Variants in SLC2A9 observed in about 807,000 individuals in gnomAD.
SLC2A9 encodes the protein solute carrier family 2, facilitated glucose transporter member 9.
SLC2A9 carries 39 observed loss-of-function variants against 50.6 expected under a neutral mutation model. That is an observed-to-expected ratio of 0.77 (90% CI 0.60 to 1.01). The LOEUF (loss-of-function observed/expected upper bound fraction) is 1.01. Ranked by LOEUF, SLC2A9 falls within the 50% of genes least tolerant of loss-of-function variation. SLC2A9 has a pLI of 0.00. For missense variants in SLC2A9, 686 were observed against 677.6 expected, an observed-to-expected ratio of 1.01 and a Z score of -0.14; for synonymous variants, 324 against 276.9, an observed-to-expected ratio of 1.17 and a Z score of -1.69.
chr4:9,909,907 T>G (rs920693428), intron 7 of SLC2A9, among the ~76,000 whole-genome samples: 17 of 152,252 alleles, frequency 1.1e-4, no homozygotes, highest in African/African-American at 4.1e-4. Context: ...CAACGTTAGC[T>G]GGCCACACTC....
intron 3 of SLC2A9, among the ~76,000 whole-genome samples, chr4:9,813,761 G>C (rs1723181758): frequency 1.3e-5 from 2 of 152,252 alleles, no homozygotes; most frequent in Admixed American, 6.5e-5. Flanking sequence ...TGGGGAGTCA[G>C]AGAAAGAATT....
intron 10 of SLC2A9, 96 bp from the exon 11 acceptor site, chr4:9,835,104 C>T: frequency 6.4e-7 from 1 of 1,574,576 alleles, no homozygotes. Context: ...ACCCCCCCAC[C>T]CCTGCCCCTT....
At chr4:9,928,218 G>T (rs931849685) in intron 6 of SLC2A9, among the ~76,000 whole-genome samples, 1 of 152,208 alleles carries the variant, frequency 6.6e-6, no homozygotes. Flanking sequence ...CTCCATTTCA[G>T]GTGCAAGCCT....
intron 11 of SLC2A9, among the ~76,000 whole-genome samples, chr4:9,833,002 A>G (rs1726425657): frequency 6.6e-6 from 1 of 152,182 alleles, no homozygotes; most frequent in Non-Finnish European, 1.5e-5. Flanking sequence ...AGGTGCTGGA[A>G]CTTCTCTACT....
downstream of SLC2A9, among the ~76,000 whole-genome samples, chr4:9,797,838 T>C (rs115716929): frequency 4.1e-3 from 628 of 152,320 alleles, 8 homozygotes; most frequent in African/African-American, 0.014. Context: ...GCGCCCAGGC[T>C]AGAGTGCAGT....
At chr4:9,889,801 T>G (rs1003387439) in intron 9 of SLC2A9, among the ~76,000 whole-genome samples, 5 of 152,224 alleles carry the variant, frequency 3.3e-5, no homozygotes, top group African/African-American at 1.2e-4. Flanking sequence ...TTGGAGGTAC[T>G]GAGGCAGTGT....
At chr4:9,938,066 T>C (rs1466356972) in intron 6 of SLC2A9, among the ~76,000 whole-genome samples, 3 of 152,198 alleles carry the variant, frequency 2.0e-5, no homozygotes, top group African/African-American at 7.2e-5. Context: ...GCTACAATCA[T>C]CTATAATTGT....
intron 5 of SLC2A9, among the ~76,000 whole-genome samples, chr4:9,970,431 G>A (rs1753716390): frequency 6.6e-6 from 1 of 152,110 alleles, no homozygotes; most frequent in Admixed American, 6.5e-5. Flanking sequence ...TGGGGGTACT[G>A]TAGTCACAAG....
downstream of SLC2A9, among the ~76,000 whole-genome samples, chr4:9,822,644 T>A (rs1309470924): frequency 6.6e-6 from 1 of 152,232 alleles, no homozygotes. Flanking sequence ...GGATTGACAG[T>A]TCTTTCAGTG....
intron 9 of SLC2A9, 130 bp downstream of exon 9, chr4:9,890,480 C>A: frequency 3.4e-6 from 3 of 888,098 alleles, no homozygotes; most frequent in Non-Finnish European, 5.5e-6. Flanking sequence ...ATGAGATGTC[C>A]CCGGGGAGAG....
intron 2 of SLC2A9, among the ~76,000 whole-genome samples, chr4:10,012,591 A>AG (rs1761943783): frequency 1.3e-5 from 2 of 152,146 alleles, no homozygotes; most frequent in Non-Finnish European, 2.9e-5. Context: ...AGCGTGATGG[A>AG]GGGGTGCCAT....
At chr4:10,015,731 G>A (rs1026822585) in intron 2 of SLC2A9, among the ~76,000 whole-genome samples, 5 of 152,214 alleles carry the variant, frequency 3.3e-5, no homozygotes, top group South Asian at 2.1e-4. Flanking sequence ...GCCAGACAAC[G>A]AATCCACCGG....
chr4:9,884,559 A>G (rs1735833539), intron 10 of SLC2A9, among the ~76,000 whole-genome samples: 1 of 152,142 alleles, frequency 6.6e-6, no homozygotes, highest in African/African-American at 2.4e-5. Context: ...TGGATGGAGG[A>G]AAGTGTGGGA....
At chr4:9,992,610 A>G (rs1757908853) in intron 3 of SLC2A9, among the ~76,000 whole-genome samples, 1 of 152,238 alleles carries the variant, frequency 6.6e-6, no homozygotes, top group Admixed American at 6.5e-5. Flanking sequence ...AATTTCCACC[A>G]AGCTGGGCCC....
At chr4:9,992,250 C>T (rs1190851678) in intron 3 of SLC2A9, among the ~76,000 whole-genome samples, 2 of 152,178 alleles carry the variant, frequency 1.3e-5, no homozygotes, top group African/African-American at 4.8e-5. Flanking sequence ...TAAAATCACT[C>T]ATCATTCTCA....
rs2109075199 is a variant in SLC2A9, at chr4:9,826,279, C to G, written c.*118G>C. On this transcript the variant is annotated 3_prime_UTR_variant, in exon 12 of 12. Transcript: ENST00000264784. The stretch of plus-strand genomic sequence containing the variant: ...TTAATAATATAAAAGACTTGCATAG[C>G]TTCAATTCATTTAAGCTTCCCAATA... The G allele has an allele frequency of 0.01, 8,507 of 845,652 alleles. No homozygotes were observed. Among genetic ancestry groups the G allele is most frequent in the Non-Finnish European group, 0.015 (7,690 of 502,262 alleles). 52.4% of individuals were successfully genotyped at this position (845,652 alleles called of 1,614,324 possible). A position where few individuals can be genotyped will look rare whatever the true frequency, so the allele number is the denominator to read the frequency against.
chr4:9,896,831 C>A (rs1298812408), intron 8 of SLC2A9, among the ~76,000 whole-genome samples: 1 of 152,172 alleles, frequency 6.6e-6, no homozygotes, highest in Non-Finnish European at 1.5e-5. Flanking sequence ...AAAAGACTAT[C>A]CTTTCCTCAT....
chr4:9,824,742 T>C (rs1724880517), downstream of SLC2A9, among the ~76,000 whole-genome samples: 2 of 152,316 alleles, frequency 1.3e-5, no homozygotes, highest in South Asian at 2.1e-4. Context: ...CTAATAAATA[T>C]TTATTGCCTA....
chr4:9,938,942 C>T (rs570123263), intron 6 of SLC2A9, among the ~76,000 whole-genome samples: 1 of 152,202 alleles, frequency 6.6e-6, no homozygotes, highest in Admixed American at 6.5e-5. Flanking sequence ...AGGAACATCC[C>T]GAAAGGGGCC....
Sources: gnomAD v4.1 joint callset for allele counts (sites outside exome capture counted in the v4.1 genomes callset) on GRCh38, gnomAD v4.1.1 for gene constraint, MANE v1.5 for transcripts, NCBI Gene and HGNC (gene_info 2026-07-23, HGNC 2026-07-21) for gene names.